The following CFAP69 variants were observed in gnomAD, a reference collection of about 807,000 sequenced individuals.
The protein encoded by CFAP69 is cilia- and flagella-associated protein 69.
Under a neutral mutation model 123.0 loss-of-function variants are expected in CFAP69, and 92 were observed. The observed-to-expected ratio is 0.75, with a 90% CI of 0.63 to 0.89. The LOEUF (loss-of-function observed/expected upper bound fraction) is 0.89, where lower values mean the gene tolerates loss of function less well. CFAP69 is among the 40% of genes least tolerant of loss of function. CFAP69 has a pLI of 0.00. For synonymous variants in CFAP69, 380 were observed against 364.3 expected (o/e 1.04, Z -0.49); for missense variants, 1,067 against 1,096.9 (o/e 0.97, Z 0.39).
In CFAP69 at chr7:90,279,699, T is replaced by C; in HGVS notation, c.1178T>C (p.Ile393Thr). The C allele has an allele frequency of 6.2e-7, 1 of 1,604,016 alleles. No homozygotes were observed. Among genetic ancestry groups the C allele is most frequent in the African/African-American group, 1.3e-5 (1 of 74,656 alleles). ...CAGCTATTAATTGATGGCAAAGTTA[T>C]TTTGGCTTTGTTTACCTATGTTAAG... ...TVQLLIDGKVILALFTYVKKP... is the reference protein window; with the variant it reads ...TVQLLIDGKVTLALFTYVKKP... Residue 393 changes from isoleucine to threonine, a missense_variant, in exon 12 of 23, where the codon ATT becomes ACT. Physicochemically the swap from Ile to Thr is moderately conservative, Grantham distance 89 (BLOSUM62 -1). Coordinates refer to ENST00000389297, the MANE Select transcript of CFAP69 (RefSeq NM_001039706.3).
chr7:90,268,447 T>A, intron 6 of CFAP69, 63 bp downstream of exon 6: 1 of 1,238,248 alleles, frequency 8.1e-7, no homozygotes, highest in Non-Finnish European at 1.2e-6. Context: ...CATTCTCATA[T>A]CTCTTTGAAT....
intron 15 of CFAP69, among the ~76,000 whole-genome samples, chr7:90,295,909 G>A (rs1320910499): frequency 1.3e-5 from 2 of 152,172 alleles, no homozygotes; most frequent in Non-Finnish European, 2.9e-5. Flanking sequence ...GTGCTGGTGG[G>A]AGTGTAGCAG....
intron 15 of CFAP69, among the ~76,000 whole-genome samples, chr7:90,295,221 A>C (rs1791767095): frequency 6.6e-6 from 1 of 152,182 alleles, no homozygotes; most frequent in Admixed American, 6.5e-5. Context: ...GCCAAAAGGG[A>C]CTTTACTGAG....
At chr7:90,296,728 C>T (rs1265223476) in intron 15 of CFAP69, among the ~76,000 whole-genome samples, 1 of 152,116 alleles carries the variant, frequency 6.6e-6, no homozygotes, top group Non-Finnish European at 1.5e-5. Context: ...AGTCAGTACA[C>T]ATAAGGTGTG....
At chr7:90,284,339 G>A (rs562940444) in intron 13 of CFAP69, among the ~76,000 whole-genome samples, 1 of 152,100 alleles carries the variant, frequency 6.6e-6, no homozygotes, top group Non-Finnish European at 1.5e-5. Context: ...AGTGTACACT[G>A]CTTGGTGACA....
intron 1 of CFAP69, 34 bp downstream of exon 1, chr7:90,245,578 G>C: frequency 1.4e-6 from 2 of 1,447,556 alleles, no homozygotes; most frequent in South Asian, 1.5e-5. Flanking sequence ...CAGAGGTGGA[G>C]GGGGTGGGAG....
chr7:90,303,569 A>T, intron 17 of CFAP69: 1 of 960,982 alleles, frequency 1.0e-6, no homozygotes, highest in Non-Finnish European at 1.2e-6. Flanking sequence ...CTGAGTTTTG[A>T]CCTATAGCAT....
At chr7:90,315,922 G>C (rs1362255082), downstream of CFAP69, among the ~76,000 whole-genome samples, 1 of 152,060 alleles carries the variant, frequency 6.6e-6, no homozygotes, top group Non-Finnish European at 1.5e-5. Context: ...GTGAAACCCT[G>C]TCTCTACTAA....
At position 90,306,894 on chromosome 7, in the gene CFAP69, AT is replaced by A. The variant is rs1562928471; in HGVS notation, c.2266-6del. The A allele has an allele frequency of 6.9e-7, 1 of 1,448,520 alleles. No individual in the cohort carries two copies. The highest frequency in any genetic ancestry group is 1.4e-5 in the African/African-American group (1 of 70,292). The allele number at this position is 1,448,520 out of a possible 1,614,324, so 89.7% of individuals were successfully genotyped here. A position where few individuals can be genotyped will look rare whatever the true frequency, so the allele number is the denominator to read the frequency against. On this transcript the variant is annotated splice_region_variant and splice_polypyrimidine_tract_variant and intron_variant, in intron 19 of 22. Coordinates refer to ENST00000389297, the MANE Select transcript of CFAP69 (RefSeq NM_001039706.3). The stretch of plus-strand genomic sequence containing the variant: ...TAATTTAACTTTGTTAAACTTTGTT[AT>A]AACAGATTGGAGAAATATGGAATGA...
chr7:90,261,863 A>T, intron 3 of CFAP69, 84 bp from the exon 4 acceptor site: 1 of 686,116 alleles, frequency 1.5e-6, no homozygotes, highest in South Asian at 3.0e-5. Context: ...GGAATTCTAT[A>T]GACTTTCTTC....
chr7:90,273,950 A>C, intron 8 of CFAP69, 37 bp from the exon 9 acceptor site: 1 of 1,483,008 alleles, frequency 6.7e-7, no homozygotes, highest in Non-Finnish European at 9.2e-7. Context: ...TTTAGTGTAT[A>C]ACAATATAGT....
At chr7:90,261,307 T>C (rs1230967864) in intron 3 of CFAP69, among the ~76,000 whole-genome samples, 1 of 152,182 alleles carries the variant, frequency 6.6e-6, no homozygotes, top group Non-Finnish European at 1.5e-5. Context: ...ACTCCTGACC[T>C]CGTGATCCAC....
At position 90,308,780 on chromosome 7, in the gene CFAP69, G is replaced by A. The variant is rs187799314; in HGVS notation, c.2551-483G>A. 3.4e-4 allele frequency among the ~76,000 whole-genome samples: 51 copies of A among 152,206 alleles called. 2 individuals carry two copies. In the East Asian group the frequency reaches 8.1e-3, roughly 24 times the overall value. ...TATTACTTCACATTTCACTTGTTTA[G>A]TGTAGCAAATACCTTGAAAATAACT... On this transcript the variant is annotated intron_variant, in intron 21 of 22. Coordinates refer to ENST00000389297, the MANE Select transcript of CFAP69 (RefSeq NM_001039706.3).
At position 90,304,839 on chromosome 7, in the gene CFAP69, A is replaced by G. The variant is rs992205951; in HGVS notation, c.2265+19A>G. On this transcript the variant is annotated intron_variant, in intron 19 of 22. Transcript: ENST00000389297. Reference sequence around the variant, plus strand: ...TTTTAAAGTAAGTATCTTTTTAATAACCTGATTATTAAAATCTAGATAGCA... The same window carrying G: ...TTTTAAAGTAAGTATCTTTTTAATAGCCTGATTATTAAAATCTAGATAGCA... The G allele has an allele frequency of 2.2e-6, 3 of 1,361,998 alleles. No homozygotes were observed. Among genetic ancestry groups the G allele is most frequent in the Non-Finnish European group, 3.1e-6 (3 of 971,920 alleles). 84.4% of individuals were successfully genotyped at this position (1,361,998 alleles called of 1,614,324 possible). A position where few individuals can be genotyped will look rare whatever the true frequency, so the allele number is the denominator to read the frequency against.
At chr7:90,267,759 C>A (rs762954115) in intron 5 of CFAP69, among the ~76,000 whole-genome samples, 8 of 152,102 alleles carry the variant, frequency 5.3e-5, no homozygotes, top group Non-Finnish European at 1.2e-4. Context: ...AATTACTGAC[C>A]CTCTAGTTAG....
At chr7:90,256,439 G>T (rs964463613) in intron 2 of CFAP69, among the ~76,000 whole-genome samples, 3 of 151,812 alleles carry the variant, frequency 2.0e-5, no homozygotes, top group African/African-American at 7.3e-5. Flanking sequence ...ATGATGGGTT[G>T]ATGGGTGCAG....
intron 3 of CFAP69, among the ~76,000 whole-genome samples, chr7:90,258,916 A>T (rs550398189): frequency 1.3e-5 from 2 of 152,218 alleles, no homozygotes; most frequent in Non-Finnish European, 1.5e-5. Flanking sequence ...CATTATTTCT[A>T]TTAATTTACA....
At chr7:90,302,674 G>T (rs1219193873) in intron 17 of CFAP69, 3 of 152,026 alleles carry the variant, frequency 2.0e-5, no homozygotes, top group Non-Finnish European at 2.9e-5. Context: ...CTGTTATATT[G>T]AACTGTGTCT....
At chr7:90,258,496 G>A (rs907532226) in intron 3 of CFAP69, among the ~76,000 whole-genome samples, 51 of 152,060 alleles carry the variant, frequency 3.4e-4, no homozygotes, top group Admixed American at 9.2e-4. Context: ...TGCTGCTGTC[G>A]TCACATCATC....
Sources: gnomAD v4.1 joint callset for allele counts (sites outside exome capture counted in the v4.1 genomes callset) on GRCh38, gnomAD v4.1.1 for gene constraint, MANE v1.5 for transcripts, NCBI Gene and HGNC (gene_info 2026-07-23, HGNC 2026-07-21) for gene names.